Variants in PPM1G observed in about 807,000 individuals in gnomAD.
PPM1G encodes protein phosphatase, Mg2+/Mn2+ dependent 1G.
PPM1G carries 12 observed loss-of-function variants against 59.4 expected under a neutral mutation model. The ratio of observed to expected loss-of-function variants is 0.20; its 90% CI spans 0.13 to 0.33. The LOEUF is 0.33. PPM1G is among the 10% of genes least tolerant of loss of function. PPM1G has a pLI of 1.00. For missense variants in PPM1G, 392 were observed against 681.3 expected (o/e 0.58, Z 4.73); for synonymous variants, 245 against 251.9 (o/e 0.97, Z 0.26).
rs1440179787 is a variant in PPM1G at position 27,387,309 on chromosome 2, G to A, written c.121-151C>T. On this transcript the variant is annotated intron_variant, in intron 1 of 9. Transcript: ENST00000344034. Reference sequence around the variant, plus strand: ...AAGAAGGAATGATAAAATAAATACAGAGGAAGAAAAGAGGAGGGAGGCAAA... The same window carrying A: ...AAGAAGGAATGATAAAATAAATACAAAGGAAGAAAAGAGGAGGGAGGCAAA... 3 of 626,008 alleles carry A rather than the reference G, an allele frequency of 4.8e-6. No individual in the cohort carries two copies. The East Asian group carries it at 8.4e-5, about 17-fold the overall frequency. 38.8% of individuals were successfully genotyped at this position (626,008 alleles called of 1,614,324 possible).
intron 1 of PPM1G, among the ~76,000 whole-genome samples, chr2:27,403,446 TA>T (rs1684231435): frequency 6.6e-6 from 1 of 151,686 alleles, no homozygotes; most frequent in African/African-American, 2.4e-5. Context: ...AACTCCAACT[TA>T]AAAAAATAAA....
At chr2:27,399,313 G>C (rs920889561) in intron 1 of PPM1G, among the ~76,000 whole-genome samples, 1 of 152,092 alleles carries the variant, frequency 6.6e-6, no homozygotes, top group Non-Finnish European at 1.5e-5. Context: ...ATTAAAAATG[G>C]ACAAAGACTT....
In PPM1G at chr2:27,385,899, T is replaced by C; in HGVS notation, c.277-20A>G. On this transcript the variant is annotated intron_variant, in intron 3 of 9. Coordinates refer to ENST00000344034, the MANE Select transcript of PPM1G (RefSeq NM_177983.3). This position sits in a 1 kb window ranked among gnomAD's most constrained non-coding sequence, Gnocchi z 4.1. ...TAAAGCCTGAATATAAGCAAAATAG[T>C]CTAAGACTAGTACAAAATGAACTCC... The C allele has an allele frequency of 6.2e-7, 1 of 1,605,930 alleles. No individual in the cohort carries two copies. The highest frequency in any genetic ancestry group is 2.2e-5 in the East Asian group (1 of 44,854).
rs199732585 is a variant in PPM1G, at chr2:27,383,052, C to A, written c.1201+314G>T. On this transcript the variant is annotated intron_variant, in intron 7 of 9. Coordinates refer to ENST00000344034, the MANE Select transcript of PPM1G (RefSeq NM_177983.3). The surrounding 1 kb of genome is among the most constrained non-coding windows in gnomAD (Gnocchi z 5.0). ...GGTTTCACCATGTTGGCCAGGCTGGCCTCGAACTCCTGACCTCAGGCGATC... is the reference window on the plus strand; with the variant it reads ...GGTTTCACCATGTTGGCCAGGCTGGACTCGAACTCCTGACCTCAGGCGATC... Among the ~76,000 whole-genome samples, 2 of 151,370 alleles carry A rather than the reference C, an allele frequency of 1.3e-5. No homozygotes were observed. The highest frequency in any genetic ancestry group is 1.3e-4 in the Admixed American group (2 of 15,172).
chr2:27,396,703 T>C (rs1174982477), intron 1 of PPM1G, among the ~76,000 whole-genome samples: 1 of 150,990 alleles, frequency 6.6e-6, no homozygotes, highest in Non-Finnish European at 1.5e-5. Context: ...TAATCCCAGC[T>C]ACTCAGGAGG....
intron 1 of PPM1G, chr2:27,393,356 C>A: frequency 1.9e-6 from 3 of 1,591,674 alleles, no homozygotes; most frequent in Non-Finnish European, 2.6e-6. Context: ...GCGAGGTAGA[C>A]GCGGTCGTCA....
intron 1 of PPM1G, chr2:27,393,118 G>T: frequency 7.6e-7 from 1 of 1,324,192 alleles, no homozygotes; most frequent in Non-Finnish European, 1.1e-6. Context: ...TTGATATCCT[G>T]AAGGAAGATT....
intron 1 of PPM1G, among the ~76,000 whole-genome samples, chr2:27,394,058 G>A (rs1245130874): frequency 2.7e-5 from 4 of 149,200 alleles, no homozygotes; most frequent in Non-Finnish European, 5.9e-5. Context: ...CACCGCGCCC[G>A]GCCTAATTTT....
intron 1 of PPM1G, chr2:27,392,977 T>C: frequency 1.3e-6 from 2 of 1,510,532 alleles, no homozygotes; most frequent in Non-Finnish European, 1.8e-6. Flanking sequence ...AGTGGCCAGT[T>C]TGTGCAGTTC....
At chr2:27,388,527 T>C (rs1219353301) in intron 1 of PPM1G, among the ~76,000 whole-genome samples, 2 of 152,184 alleles carry the variant, frequency 1.3e-5, no homozygotes, top group Admixed American at 1.3e-4. Context: ...TATATGTTAA[T>C]TTGGAAATGA....
chr2:27,409,471 C>G lies in PPM1G; in HGVS notation c.-49G>C. 2.1e-6 allele frequency: 3 copies of G among 1,426,674 alleles called. No individual in the cohort carries two copies. Among genetic ancestry groups the G allele is most frequent in the Non-Finnish European group, 2.7e-6 (3 of 1,093,950 alleles). 88.4% of individuals were successfully genotyped at this position (1,426,674 alleles called of 1,614,324 possible). On this transcript the variant is annotated 5_prime_UTR_variant, in exon 1 of 10. Coordinates refer to ENST00000344034, the MANE Select transcript of PPM1G (RefSeq NM_177983.3). ...AGGTGCAGGAAAGCTGGGCGCGACC[C>G]GTGCCGGAGCCGAAGCCCCGGGGGT...
At chr2:27,404,466 C>T (rs1233265112) in intron 1 of PPM1G, among the ~76,000 whole-genome samples, 1 of 151,758 alleles carries the variant, frequency 6.6e-6, no homozygotes, top group African/African-American at 2.4e-5. Flanking sequence ...AGGAGAATCA[C>T]TTGAACCCAA....
intron 1 of PPM1G, among the ~76,000 whole-genome samples, chr2:27,390,689 T>A (rs573227909): frequency 1.3e-5 from 2 of 152,174 alleles, no homozygotes; most frequent in African/African-American, 4.8e-5. Context: ...ACAGAATACA[T>A]GTGTAAGTTT....
intron 1 of PPM1G, among the ~76,000 whole-genome samples, chr2:27,398,424 C>T (rs551617251): frequency 1.3e-5 from 2 of 152,226 alleles, no homozygotes; most frequent in Non-Finnish European, 2.9e-5. Context: ...AGAAAATTCT[C>T]GTGACTTTGG....
chr2:27,403,936 A>C (rs1684241184), intron 1 of PPM1G, among the ~76,000 whole-genome samples: 1 of 152,180 alleles, frequency 6.6e-6, no homozygotes, highest in African/African-American at 2.4e-5. Flanking sequence ...AAGCGCTTTA[A>C]GCTATTGGCT....
chr2:27,393,409 T>C, intron 1 of PPM1G: 1 of 1,278,272 alleles, frequency 7.8e-7, no homozygotes, highest in Non-Finnish European at 1.1e-6. Flanking sequence ...CAGTGGTGGC[T>C]ACGCGGCGCT....
rs1354942733 is a variant in PPM1G at position 27,381,944 on chromosome 2, G to A, written c.1435-139C>T. The A allele has an allele frequency of 3.0e-6, 3 of 1,005,960 alleles. No homozygotes were observed. The Admixed American group carries it at 6.2e-5, about 21-fold the overall frequency. 62.3% of individuals were successfully genotyped at this position (1,005,960 alleles called of 1,614,324 possible). On this transcript the variant is annotated intron_variant, in intron 9 of 9. Transcript: ENST00000344034. ...AGAGGTATCACACAACGGCCCACCT[G>A]CTAGTCCATAAGGCATAAGGCTAAG...
intron 9 of PPM1G, 142 bp from the exon 10 acceptor site, chr2:27,381,947 A>C: frequency 1.0e-6 from 1 of 1,000,874 alleles, no homozygotes; most frequent in Non-Finnish European, 1.5e-6. Context: ...CCCACCTGCT[A>C]GTCCATAAGG....
chr2:27,402,909 T>C (rs1208623097), intron 1 of PPM1G, among the ~76,000 whole-genome samples: 1 of 131,888 alleles, frequency 7.6e-6, no homozygotes, highest in Admixed American at 8.1e-5. Flanking sequence ...GCCCTATCTC[T>C]ACAAAAAAAA....
Sources: allele counts gnomAD v4.1 joint callset (sites outside exome capture counted in the v4.1 genomes callset), GRCh38; gene constraint gnomAD v4.1.1; non-coding constraint Gnocchi (gnomAD v3.1); transcripts MANE v1.5; gene names NCBI Gene and HGNC (gene_info 2026-07-23, HGNC 2026-07-21).